The following JUP variants were observed in gnomAD, a reference collection of about 807,000 sequenced individuals.
JUP encodes the protein junction plakoglobin, also known as catenin (cadherin-associated protein), gamma 80kDa.
A neutral mutation model predicts 71.1 loss-of-function variants in JUP; 28 were observed. That is an observed-to-expected ratio of 0.39 (90% confidence interval 0.29 to 0.54). The LOEUF (loss-of-function observed/expected upper bound fraction) is 0.54. Among genes scored for constraint, JUP ranks in the 20% least tolerant of loss-of-function variants. The pLI, the probability that JUP is intolerant of heterozygous loss-of-function variation, is 0.62. For missense variants in JUP, 869 were observed against 1,030.1 expected (o/e 0.84, Z 2.14); for synonymous variants, 401 against 438.9 (o/e 0.91, Z 1.08).
At chr17:41,759,294 C>T (rs903954544) in intron 8 of JUP, among the ~76,000 whole-genome samples, 1 of 152,158 alleles carries the variant, frequency 6.6e-6, no homozygotes, top group African/African-American at 2.4e-5. Context: ...AGGCTGGCCT[C>T]GAACCCCTGA....
chr17:41,772,146 C>A, intron 1 of JUP: 1 of 518,200 alleles, frequency 1.9e-6, no homozygotes. Flanking sequence ...CCCCAGGGGG[C>A]AGGACAGTCA....
In JUP at chr17:41,771,665, C is replaced by T. The variant is rs1555606934; in HGVS notation, c.190G>A (p.Gly64Arg). 1 of 1,613,690 alleles carries T rather than the reference C, an allele frequency of 6.2e-7. No individual in the cohort carries two copies. The highest frequency in any genetic ancestry group is 1.7e-5 in the Admixed American group (1 of 60,002). ...TLKKTTTYTQ[G>R]VPPSQGDLEY... ...TCCTGACCTTGGCTGGGGGGCACCC[C>T]CTGGGTGTAAGTGGTGGTTTTCTTG... The change falls in exon 2 of 14, where the codon GGG becomes AGG. Residue 64 changes from glycine (G) to arginine (R), a missense_variant. Coordinates refer to ENST00000393931, the MANE Select transcript of JUP (RefSeq NM_002230.4).
chr17:41,767,593 G>GGGGGGGGC lies in JUP; in HGVS notation c.708-14_708-13insGCCCCCCC. On this transcript the variant is annotated splice_polypyrimidine_tract_variant and intron_variant, in intron 4 of 13. Transcript: ENST00000393931. ...CTCCACAGGGGAGCTGGGGGGGTGG[G>GGGGGGGGC]CAGGGGTTAGTACGCTGAGGTCCCA... 1.6e-6 allele frequency: 2 copies of GGGGGGGGC among 1,267,518 alleles called. No individual in the cohort carries two copies. The highest frequency in any genetic ancestry group is 2.3e-6 in the Non-Finnish European group (2 of 873,100). 78.5% of individuals were successfully genotyped at this position (1,267,518 alleles called of 1,614,324 possible). A position where few individuals can be genotyped will look rare whatever the true frequency, so the allele number is the denominator to read the frequency against.
intron 10 of JUP, 124 bp from the exon 11 acceptor site, chr17:41,757,908 A>T: frequency 1.3e-6 from 1 of 779,544 alleles, no homozygotes; most frequent in Middle Eastern, 3.8e-4. Flanking sequence ...ATGGGCCGTC[A>T]CTGGGGAGTA....
At chr17:41,781,041 C>T (rs544955228) in intron 1 of JUP, among the ~76,000 whole-genome samples, 154 of 152,112 alleles carry the variant, frequency 1.0e-3, no homozygotes, top group African/African-American at 3.6e-3. Flanking sequence ...ATTAGCCAGG[C>T]GTGGTGGCGG....
intron 13 of JUP, 75 bp from the exon 14 acceptor site, chr17:41,755,970 C>A: frequency 6.5e-7 from 1 of 1,540,554 alleles, no homozygotes; most frequent in Non-Finnish European, 8.8e-7. Context: ...CAGCCTTCAG[C>A]TGCCTCCTCT....
chr17:41,773,759 T>C (rs1400445200), intron 1 of JUP, among the ~76,000 whole-genome samples: 2 of 152,146 alleles, frequency 1.3e-5, no homozygotes, highest in African/African-American at 4.8e-5. Flanking sequence ...CTCCTCGTGC[T>C]GTGCCGCCTT....
chr17:41,770,731 C>G (rs1916519916), intron 2 of JUP, among the ~76,000 whole-genome samples: 1 of 152,208 alleles, frequency 6.6e-6, no homozygotes, highest in Non-Finnish European at 1.5e-5. Flanking sequence ...GCAGGGGAGG[C>G]TTGGGCTGGC....
chr17:41,774,051 G>A (rs1203362609), intron 1 of JUP, among the ~76,000 whole-genome samples: 2 of 152,056 alleles, frequency 1.3e-5, no homozygotes, highest in Non-Finnish European at 2.9e-5. Context: ...AGAGGGAAGC[G>A]GGCCTCACTC....
At chr17:41,764,298 G>T (rs537912736) in intron 7 of JUP, among the ~76,000 whole-genome samples, 1 of 152,210 alleles carries the variant, frequency 6.6e-6, no homozygotes, top group Admixed American at 6.5e-5. Context: ...ACTTTGGGAG[G>T]CCAAGGCGGG....
intron 13 of JUP, 68 bp from the exon 14 acceptor site, chr17:41,755,963 C>T (rs1913644456): frequency 6.5e-7 from 1 of 1,549,060 alleles, no homozygotes; most frequent in African/African-American, 1.4e-5. Flanking sequence ...GTCTGCACAG[C>T]CTTCAGCTGC....
In JUP at chr17:41,767,375, C is replaced by T; in HGVS notation, c.909+4G>A. On this transcript the variant is annotated splice_donor_region_variant and intron_variant, in intron 5 of 13. Coordinates refer to ENST00000393931, the MANE Select transcript of JUP (RefSeq NM_002230.4). ...AGGCCTCGGGAGAGTTGGGGAGGGC[C>T]CACCTTGCTCTCCTGGTTGCCGTAG... 1 of 1,613,702 alleles carries T rather than the reference C, an allele frequency of 6.2e-7. No individual in the cohort carries two copies. Among genetic ancestry groups the T allele is most frequent in the South Asian group, 1.1e-5 (1 of 91,080 alleles).
At chr17:41,760,095 G>T (rs868953304) in intron 8 of JUP, among the ~76,000 whole-genome samples, 1 of 151,070 alleles carries the variant, frequency 6.6e-6, no homozygotes, top group Non-Finnish European at 1.5e-5. Flanking sequence ...CCTGGGAGGC[G>T]GAGGTTGCAG....
At chr17:41,766,311 G>T (rs539894288) in intron 5 of JUP, among the ~76,000 whole-genome samples, 1 of 140,458 alleles carries the variant, frequency 7.1e-6, no homozygotes. Context: ...GAGAGGGAAA[G>T]GAAAAGGAAA....
intron 5 of JUP, among the ~76,000 whole-genome samples, chr17:41,767,102 G>A (rs1555604371): frequency 6.6e-6 from 1 of 151,192 alleles, no homozygotes; most frequent in African/African-American, 2.4e-5. Context: ...AGATTGTTAT[G>A]ATGACAAGGA....
At chr17:41,756,000 G>A (rs950727434) in intron 13 of JUP, 105 bp from the exon 14 acceptor site, 12 of 1,384,722 alleles carry the variant, frequency 8.7e-6, no homozygotes, top group African/African-American at 2.5e-5. Flanking sequence ...CACCCCTGGT[G>A]GGCCTGACCC....
rs11404112 is a variant in JUP at position 41,759,072 on chromosome 17, C to CTT, written c.1498-204_1498-203dup. Among the ~76,000 whole-genome samples, 2,640 of 131,072 alleles carry CTT rather than the reference C, an allele frequency of 0.02. 111 individuals carry two copies. The highest frequency in any genetic ancestry group is 0.066 in the African/African-American group (2,276 of 34,496). The allele number at this position is 131,072 out of a possible 152,430, so 86.0% of individuals were successfully genotyped here. Reference sequence around the variant, plus strand: ...GATCTGGGAGTGCTCATGGCTAATTCTTTTTTTTTTTTTTTTTTGAGACAG... The same window carrying CTT: ...GATCTGGGAGTGCTCATGGCTAATTCTTTTTTTTTTTTTTTTTTTTGAGACAG... On this transcript the variant is annotated intron_variant, in intron 8 of 13. Transcript: ENST00000393931.
Position 41,765,024 on chromosome 17 carries a change from A to G in JUP, c.953T>C (p.Ile318Thr). 1 of 1,614,086 alleles carries G rather than the reference A, an allele frequency of 6.2e-7. No homozygotes were observed. The highest frequency in any genetic ancestry group is 8.5e-7 in the Non-Finnish European group (1 of 1,180,002). ...ANGGPQALVQ[I>T]MRNYSYEKLL... The stretch of plus-strand genomic sequence containing the variant: ...CTTTTCATAACTGTAGTTACGCATG[A>G]TCTGCACGAGGGCCTGGGGCCCACC... The change falls in exon 6 of 14, where the codon ATC becomes ACC. Residue 318 changes from isoleucine (I) to threonine (T), a missense_variant. Transcript: ENST00000393931.
In JUP at chr17:41,769,660, T is replaced by G. The variant is rs782730235; in HGVS notation, c.226A>C (p.Met76Leu). ...PPSQGDLEYQ[M>L]STTARAKRVR... ...CGTTTGGCCCTGGCTGTTGTGGACA[T>G]CTGGTACTCCAGATCACCTGGGGGC... is the stretch of plus-strand genomic sequence containing the variant. The change falls in exon 3 of 14, where the codon ATG (methionine) becomes CTG (leucine). Residue 76 changes from methionine to leucine, a missense_variant. Coordinates refer to ENST00000393931, the MANE Select transcript of JUP (RefSeq NM_002230.4). 6.2e-7 allele frequency: 1 copy of G among 1,608,942 alleles called. No homozygotes were observed. Among genetic ancestry groups the G allele is most frequent in the Non-Finnish European group, 8.5e-7 (1 of 1,178,490 alleles).
Sources: gnomAD v4.1 joint callset for allele counts (sites outside exome capture counted in the v4.1 genomes callset) on GRCh38, gnomAD v4.1.1 for gene constraint, MANE v1.5 for transcripts, NCBI Gene and HGNC (gene_info 2026-07-23, HGNC 2026-07-21) for gene names.